GRIK4: variants seen among roughly 807,000 people sequenced by gnomAD.
The protein encoded by GRIK4 is glutamate receptor ionotropic, kainate 4.
A neutral mutation model predicts 104.9 loss-of-function variants in GRIK4; 40 were observed. The observed-to-expected ratio is 0.38, with a 90% CI of 0.30 to 0.50. The LOEUF is 0.50. Ranked by LOEUF, GRIK4 falls within the 20% of genes least tolerant of loss-of-function variation. The probability of loss-of-function intolerance (pLI) is 0.93; values close to 1 mark genes in which losing one functional copy is unlikely to be tolerated. For missense variants in GRIK4, 1,047 were observed against 1,308.1 expected (o/e 0.80, Z 3.08); for synonymous variants, 485 against 524.9 (o/e 0.92, Z 1.04).
intron 13 of GRIK4, among the ~76,000 whole-genome samples, chr11:120,918,645 T>C (rs1467732167): frequency 6.6e-6 from 1 of 152,174 alleles, no homozygotes; most frequent in Non-Finnish European, 1.5e-5. Context: ...CCACTAAGTC[T>C]GCTCAGAGGG....
At position 120,565,370 on chromosome 11, in the gene GRIK4, C is replaced by T. The variant is rs564873866; in HGVS notation, c.-159+53483C>T. Among the ~76,000 whole-genome samples the T allele has an allele frequency of 2.0e-5, 3 of 152,366 alleles. No homozygotes were observed. In the East Asian group the frequency reaches 5.8e-4, roughly 29 times the overall value. ...CAGTGAGCTGCTGCATCCTCTCCTC[C>T]TTTAATTAGCAGGAATGCGCTGGAC... is the stretch of plus-strand genomic sequence containing the variant. On this transcript the variant is annotated intron_variant, in intron 1 of 20. Coordinates refer to ENST00000527524, the MANE Select transcript of GRIK4 (RefSeq NM_014619.5).
chr11:120,649,122 C>T (rs1446672591), intron 1 of GRIK4, among the ~76,000 whole-genome samples: 1 of 152,148 alleles, frequency 6.6e-6, no homozygotes, highest in Non-Finnish European at 1.5e-5. Flanking sequence ...GCTTGGATGA[C>T]TCTAGTGGCA....
Position 120,549,842 on chromosome 11 carries a change from T to C in GRIK4, c.-159+37955T>C, listed in dbSNP as rs1251729154. 1.3e-5 allele frequency among the ~76,000 whole-genome samples: 2 copies of C among 152,162 alleles called. No individual in the cohort carries two copies. Among genetic ancestry groups the C allele is most frequent in the Admixed American group, 6.5e-5 (1 of 15,280 alleles). On this transcript the variant is annotated intron_variant, in intron 1 of 20. Coordinates refer to ENST00000527524, the MANE Select transcript of GRIK4 (RefSeq NM_014619.5). The surrounding 1 kb of genome is among the most constrained non-coding windows in gnomAD (Gnocchi z 4.7). The stretch of plus-strand genomic sequence containing the variant: ...GCTGCTGCCAGTCTATGCAGCCCCT[T>C]TGTGGCCCTTAGAAAAAGGCTATGC...
chr11:120,756,869 A>G (rs760858925), intron 3 of GRIK4, among the ~76,000 whole-genome samples: 1 of 152,038 alleles, frequency 6.6e-6, no homozygotes, highest in Admixed American at 6.6e-5. Flanking sequence ...CTCTCTTTCA[A>G]CCACCTCCCA....
intron 6 of GRIK4, among the ~76,000 whole-genome samples, chr11:120,826,752 C>T (rs2135555206): frequency 6.6e-6 from 1 of 152,352 alleles, no homozygotes; most frequent in Admixed American, 6.5e-5. Flanking sequence ...CCCTGCTGGT[C>T]TTCCCTGCCT....
chr11:120,898,671 G>T (rs1942650853), intron 12 of GRIK4, 32 bp downstream of exon 12: 4 of 1,261,014 alleles, frequency 3.2e-6, no homozygotes, highest in South Asian at 2.4e-5. Context: ...CCCAGCTGCA[G>T]CATCCTGGGG....
intron 4 of GRIK4, among the ~76,000 whole-genome samples, 196 bp downstream of exon 4, chr11:120,803,053 C>T (rs771758693): frequency 2.0e-5 from 3 of 152,188 alleles, no homozygotes; most frequent in Non-Finnish European, 4.4e-5. Context: ...GTGCGAATCA[C>T]GTGTGGAGTA....
intron 3 of GRIK4, among the ~76,000 whole-genome samples, chr11:120,747,906 T>C (rs1457847460): frequency 6.6e-6 from 1 of 152,240 alleles, no homozygotes; most frequent in Non-Finnish European, 1.5e-5. Flanking sequence ...AAGTGTGCTC[T>C]TCAAACAAGA....
chr11:120,868,129 T>G (rs1057149341), intron 9 of GRIK4: 1 of 151,762 alleles, frequency 6.6e-6, no homozygotes, highest in African/African-American at 2.4e-5. Context: ...GGGTTACAGG[T>G]GTGTATGTAG....
chr11:120,648,314 C>T (rs1949570303), intron 1 of GRIK4, among the ~76,000 whole-genome samples: 1 of 152,224 alleles, frequency 6.6e-6, no homozygotes, highest in Admixed American at 6.5e-5. Flanking sequence ...GTGTCAAATG[C>T]AGATGCCCAG....
Position 120,745,036 on chromosome 11 carries a change from G to A in GRIK4, c.83-57657G>A, listed in dbSNP as rs567347428. ...GATTTGATTTTGTTCTGAACCTGAT[G>A]GGACTTGATGACCGAGGGGAATTGA... On this transcript the variant is annotated intron_variant, in intron 3 of 20. Coordinates refer to ENST00000527524, the MANE Select transcript of GRIK4 (RefSeq NM_014619.5). 7.9e-4 allele frequency among the ~76,000 whole-genome samples: 121 copies of A among 152,262 alleles called. 1 individual carries two copies. Among genetic ancestry groups the A allele is most frequent in the Admixed American group, 7.9e-3 (121 of 15,296 alleles).
intron 3 of GRIK4, among the ~76,000 whole-genome samples, chr11:120,704,585 T>A (rs1269362108): frequency 6.6e-6 from 1 of 152,192 alleles, no homozygotes; most frequent in African/African-American, 2.4e-5. Context: ...ATTCCTCTAC[T>A]AGAATGTAAG....
intron 1 of GRIK4, among the ~76,000 whole-genome samples, chr11:120,625,736 C>T (rs1447465528): frequency 6.6e-6 from 1 of 151,468 alleles, no homozygotes; most frequent in Non-Finnish European, 1.5e-5. Flanking sequence ...GGAAACTCCA[C>T]GTGTTTGGGG....
At chr11:120,822,649 G>A (rs949468003) in intron 6 of GRIK4, among the ~76,000 whole-genome samples, 5 of 152,180 alleles carry the variant, frequency 3.3e-5, no homozygotes, top group Non-Finnish European at 7.3e-5. Flanking sequence ...TGCTGTGTTG[G>A]GCAGCACAAG....
At chr11:120,551,917 A>T (rs1948144428) in intron 1 of GRIK4, among the ~76,000 whole-genome samples, 1 of 152,210 alleles carries the variant, frequency 6.6e-6, no homozygotes, top group African/African-American at 2.4e-5. Flanking sequence ...CGGTTCCTGG[A>T]GGGTGGTGCC....
In GRIK4 at chr11:120,939,681, C is replaced by A. The variant is rs764967234; in HGVS notation, c.1477-666C>A. On this transcript the variant is annotated intron_variant, in intron 13 of 20. Transcript: ENST00000527524. This position sits in a 1 kb window ranked among gnomAD's most constrained non-coding sequence, Gnocchi z 5.6. ...TTTTGTCAACTGAACGAAACAAACA[C>A]TACTCAATATTGAGAATGGGCCAGG... is the stretch of plus-strand genomic sequence containing the variant. Among the ~76,000 whole-genome samples the A allele has an allele frequency of 1.3e-5, 2 of 152,200 alleles. No individual in the cohort carries two copies. The highest frequency in any genetic ancestry group is 2.9e-5 in the Non-Finnish European group (2 of 68,030).
intron 1 of GRIK4, among the ~76,000 whole-genome samples, chr11:120,586,805 C>T (rs1357903268): frequency 6.6e-6 from 1 of 152,154 alleles, no homozygotes; most frequent in Non-Finnish European, 1.5e-5. Context: ...AGAAACCTCT[C>T]CCTGCTTTAG....
chr11:120,817,419 T>G (rs1245595774), intron 5 of GRIK4, among the ~76,000 whole-genome samples: 1 of 152,220 alleles, frequency 6.6e-6, no homozygotes, highest in Admixed American at 6.5e-5. Flanking sequence ...CAACTTTTCC[T>G]CTCTGCTCAG....
chr11:120,962,419 C>A, intron 17 of GRIK4, 37 bp from the exon 18 acceptor site: 1 of 1,477,248 alleles, frequency 6.8e-7, no homozygotes, highest in Non-Finnish European at 9.4e-7. Flanking sequence ...TTTCCTTCCT[C>A]TTTTCCCAAT....
Sources: gnomAD v4.1 joint callset for allele counts (sites outside exome capture counted in the v4.1 genomes callset) on GRCh38, gnomAD v4.1.1 for gene constraint, Gnocchi (gnomAD v3.1) non-coding constraint, MANE v1.5 for transcripts, NCBI Gene and HGNC (gene_info 2026-07-23, HGNC 2026-07-21) for gene names.